The following CHL1 variants were observed in gnomAD, a reference collection of about 807,000 sequenced individuals.
CHL1 encodes neural cell adhesion molecule L1-like protein.
Under a neutral mutation model 141.9 loss-of-function variants are expected in CHL1, and 96 were observed. The observed-to-expected ratio is 0.68, with a 90% CI of 0.57 to 0.80. The LOEUF (loss-of-function observed/expected upper bound fraction) is 0.80. CHL1 is among the 30% of genes least tolerant of loss of function. CHL1 has a pLI of 0.00. For synonymous variants in CHL1, 613 were observed against 502.2 expected (o/e 1.22, Z -2.95); for missense variants, 1,820 against 1,457.2 (o/e 1.25, Z -4.05).
Position 405,892 on chromosome 3 carries a change from A to G in CHL1, c.*181A>G. ...TTCTTCAAAATATAAAATGCCAAGC[A>G]CTTCAGGCCTATGTTTTGCTTATAT... On this transcript the variant is annotated 3_prime_UTR_variant, in exon 28 of 28. Coordinates refer to ENST00000256509, the MANE Select transcript of CHL1 (RefSeq NM_006614.4). The G allele has an allele frequency of 1.8e-6, 1 of 560,184 alleles. No individual in the cohort carries two copies. The highest frequency in any genetic ancestry group is 3.2e-6 in the Non-Finnish European group (1 of 313,758). The allele number at this position is 560,184 out of a possible 1,614,324, so 34.7% of individuals were successfully genotyped here. A position where few individuals can be genotyped will look rare whatever the true frequency, so the allele number is the denominator to read the frequency against.
chr3:248,333 A>G (rs1693366075), intron 2 of CHL1: 1 of 152,150 alleles, frequency 6.6e-6, no homozygotes, highest in African/African-American at 2.4e-5. Flanking sequence ...GTAGATTTTA[A>G]GTCACTAGGA....
Position 326,033 on chromosome 3 carries a change from G to A in CHL1, c.166G>A (p.Glu56Lys), listed in dbSNP as rs1182816697. 2 of 1,611,198 alleles carry A rather than the reference G, an allele frequency of 1.2e-6. No individual in the cohort carries two copies. The highest frequency in any genetic ancestry group is 2.7e-5 in the African/African-American group (2 of 74,752). The change falls in exon 4 of 28, where the codon GAA becomes AAA. Residue 56 changes from glutamate to lysine, a missense_variant. By Grantham distance (56) the Glu-to-Lys change is moderately conservative. Coordinates refer to ENST00000256509, the MANE Select transcript of CHL1 (RefSeq NM_006614.4). ...TCCCTTCGATGAGTATTTTCAAATT[G>A]AATGTGAAGCTAAAGGAAATCCAGA... Reference protein sequence around the residue: ...AFPFDEYFQIECEAKGNPEPT... With the variant: ...AFPFDEYFQIKCEAKGNPEPT...
chr3:390,923 G>T, intron 21 of CHL1, 32 bp from the exon 22 acceptor site: 1 of 1,586,200 alleles, frequency 6.3e-7, no homozygotes, highest in Non-Finnish European at 8.7e-7. Context: ...GACCACAATG[G>T]ATATACTAAA....
At chr3:346,093 C>A (rs1390830548) in intron 9 of CHL1, among the ~76,000 whole-genome samples, 5 of 152,018 alleles carry the variant, frequency 3.3e-5, no homozygotes, top group African/African-American at 1.2e-4. Context: ...ATTTGAAATT[C>A]AAAAAATCAT....
chr3:383,208 G>T (rs1159354492), intron 18 of CHL1, among the ~76,000 whole-genome samples: 1 of 152,122 alleles, frequency 6.6e-6, no homozygotes, highest in Admixed American at 6.5e-5. Flanking sequence ...CTGAGAAAAA[G>T]CAAGTGAAGG....
intron 2 of CHL1, among the ~76,000 whole-genome samples, chr3:272,054 T>C (rs959148441): frequency 5.3e-5 from 8 of 152,208 alleles, no homozygotes; most frequent in African/African-American, 1.9e-4. Flanking sequence ...GAAAATAATG[T>C]TTTTATATTT....
At chr3:401,743 G>A (rs1435955447) in intron 27 of CHL1, 45 bp downstream of exon 27, 2 of 1,137,278 alleles carry the variant, frequency 1.8e-6, no homozygotes, top group Non-Finnish European at 2.5e-6. Context: ...TATTCATCAT[G>A]TTGAAAGCTT....
intron 2 of CHL1, among the ~76,000 whole-genome samples, chr3:297,601 C>T (rs1004911260): frequency 1.3e-5 from 2 of 152,018 alleles, no homozygotes; most frequent in African/African-American, 2.4e-5. Context: ...CTTCAAACAC[C>T]GTGAAGAGAG....
At chr3:330,915 G>A (rs1005631392) in intron 5 of CHL1, among the ~76,000 whole-genome samples, 1 of 152,044 alleles carries the variant, frequency 6.6e-6, no homozygotes, top group Non-Finnish European at 1.5e-5. Flanking sequence ...ACCATCACAT[G>A]TGTAAAAATA....
At chr3:208,311 A>T (rs951044097) in intron 1 of CHL1, among the ~76,000 whole-genome samples, 1 of 147,762 alleles carries the variant, frequency 6.8e-6, no homozygotes, top group Admixed American at 6.6e-5. Flanking sequence ...TACTGTATTT[A>T]ACAGTAAAAC....
chr3:389,120 A>C, intron 19 of CHL1, 132 bp from the exon 20 acceptor site: 1 of 733,434 alleles, frequency 1.4e-6, no homozygotes, highest in Non-Finnish European at 2.3e-6. Flanking sequence ...TAAACCAAGA[A>C]GGGGGATTTA....
rs187851776 is a variant in CHL1, at chr3:250,224, C to G, written c.-95+5532C>G. ...AAGCAATTCTCCTGCCTCAGCCTCCCAAATTGCTGGGATTACAAGCCACAA... is the reference window on the plus strand; with the variant it reads ...AAGCAATTCTCCTGCCTCAGCCTCCGAAATTGCTGGGATTACAAGCCACAA... On this transcript the variant is annotated intron_variant, in intron 2 of 27. Transcript: ENST00000256509. 7.9e-5 allele frequency among the ~76,000 whole-genome samples: 12 copies of G among 152,128 alleles called. No homozygotes were observed. In the East Asian group the frequency reaches 1.9e-3, roughly 25 times the overall value.
At chr3:212,006 C>A (rs960709740) in intron 1 of CHL1, among the ~76,000 whole-genome samples, 2 of 152,058 alleles carry the variant, frequency 1.3e-5, no homozygotes, top group African/African-American at 4.8e-5. Context: ...CATTTAGCCA[C>A]CGATAAAAAG....
At chr3:360,575 C>T in intron 12 of CHL1, 151 bp downstream of exon 12, 1 of 716,744 alleles carries the variant, frequency 1.4e-6, no homozygotes, top group Non-Finnish European at 2.2e-6. Flanking sequence ...AGACTTCACA[C>T]TGAAATTGTA....
Position 389,239 on chromosome 3 carries a change from C to A in CHL1, c.2248-13C>A. ...CTGTGATCAGACTAAATGAGTCTTG[C>A]CTTCTGTTTTAGCCTTTGAAATCCA... On this transcript the variant is annotated splice_polypyrimidine_tract_variant and intron_variant, in intron 19 of 27. Transcript: ENST00000256509. 6.3e-7 allele frequency: 1 copy of A among 1,580,778 alleles called. No homozygotes were observed. The highest frequency in any genetic ancestry group is 2.3e-5 in the East Asian group (1 of 43,622).
Position 363,399 on chromosome 3 carries a change from T to C in CHL1, c.1585+16T>C. 6 of 1,602,108 alleles carry C rather than the reference T, an allele frequency of 3.7e-6. No homozygotes were observed. The highest frequency in any genetic ancestry group is 5.1e-6 in the Non-Finnish European group (6 of 1,173,168). ...GATATTAGAAGTATTTTTATTTCAC[T>C]GTTACTTTGCATGAATTGTCACATG... is the stretch of plus-strand genomic sequence containing the variant. On this transcript the variant is annotated intron_variant, in intron 14 of 27. Transcript: ENST00000256509.
At chr3:267,911 G>T (rs1219364688) in intron 2 of CHL1, among the ~76,000 whole-genome samples, 1 of 152,174 alleles carries the variant, frequency 6.6e-6, no homozygotes, top group Non-Finnish European at 1.5e-5. Context: ...CATTTGCCTT[G>T]ATATCGTCAT....
Position 405,536 on chromosome 3 carries a change from T to G in CHL1, c.3500T>G (p.Leu1167Arg). 6.2e-7 allele frequency: 1 copy of G among 1,613,412 alleles called. No homozygotes were observed. Among genetic ancestry groups the G allele is most frequent in the Non-Finnish European group, 8.5e-7 (1 of 1,179,460 alleles). ...CCTCTCAAAGGAAGCCTTCGGTCCCTTAATAGGGATATGCAGCCTACTGAA... is the reference window on the plus strand; with the variant it reads ...CCTCTCAAAGGAAGCCTTCGGTCCCGTAATAGGGATATGCAGCCTACTGAA... ...EKPLKGSLRS[L>R]NRDMQPTESA... The change falls in exon 28 of 28, where the codon CTT becomes CGT. Residue 1167 changes from leucine (L) to arginine (R), a missense_variant. Leu to Arg is a moderately radical substitution (Grantham distance 102, BLOSUM62 -2). Transcript: ENST00000256509.
chr3:199,099 A>C (rs1031481084), intron 1 of CHL1, among the ~76,000 whole-genome samples: 2 of 152,322 alleles, frequency 1.3e-5, no homozygotes, highest in Admixed American at 6.5e-5. Context: ...TTTGGCTTTC[A>C]TAATTTAACG....
Sources: allele counts gnomAD v4.1 joint callset (sites outside exome capture counted in the v4.1 genomes callset), GRCh38; gene constraint gnomAD v4.1.1; transcripts MANE v1.5; gene names NCBI Gene and HGNC (gene_info 2026-07-23, HGNC 2026-07-21).